NBEAL1: variants seen among roughly 807,000 people sequenced by gnomAD.
NBEAL1 encodes the protein neurobeachin-like protein 1.
NBEAL1 carries 273 observed loss-of-function variants against 351.3 expected under a neutral mutation model. That is an observed-to-expected ratio of 0.78 (90% CI 0.70 to 0.86). The LOEUF (loss-of-function observed/expected upper bound fraction) is 0.86, where lower values mean the gene tolerates loss of function less well. Among genes scored for constraint, NBEAL1 ranks in the 40% least tolerant of loss-of-function variants. The probability of loss-of-function intolerance (pLI) is 0.00; values close to 1 mark genes in which losing one functional copy is unlikely to be tolerated. For synonymous variants in NBEAL1, 1,050 were observed against 1,086.4 expected, an observed-to-expected ratio of 0.97 and a Z score of 0.66; for missense variants, 2,961 against 3,201.3, an observed-to-expected ratio of 0.92 and a Z score of 1.81.
rs1402766100 is a variant in NBEAL1 at position 203,224,558 on chromosome 2, T to G, written c.*7204T>G. On this transcript the variant is annotated 3_prime_UTR_variant, in exon 56 of 56. Transcript: ENST00000683969. ...TTATAGAGAGTGACAGTGACTTGAA[T>G]GCATGTATATGCACATAGTCAATTC... Among the ~76,000 whole-genome samples, 1 of 152,178 alleles carries G rather than the reference T, an allele frequency of 6.6e-6. No individual in the cohort carries two copies. Among genetic ancestry groups the G allele is most frequent in the African/African-American group, 2.4e-5 (1 of 41,466 alleles).
At chr2:203,040,721 TC>T (rs1252709655) in intron 2 of NBEAL1, 3 of 601,572 alleles carry the variant, frequency 5.0e-6, no homozygotes, top group African/African-American at 1.8e-5. Context: ...ATCTCATAGT[TC>T]TTGCTCCCTT....
chr2:203,014,630 A>G (rs2060645818), upstream of NBEAL1: 1 of 152,220 alleles, frequency 6.6e-6, no homozygotes, highest in Non-Finnish European at 1.5e-5. Flanking sequence ...TGTCCAGCTG[A>G]GGGAAGGCTC....
intron 7 of NBEAL1, among the ~76,000 whole-genome samples, chr2:203,069,834 A>T (rs974051024): frequency 1.4e-4 from 22 of 152,040 alleles, no homozygotes; most frequent in Admixed American, 1.0e-3. Context: ...ATATAAAAAA[A>T]TTTTTTATGG....
rs545163518 is a variant in NBEAL1, at chr2:203,222,366, A to G, written c.*5012A>G. ...TATTAAAAAATTATGTCTGAGGATTATTATGTTATATCCTAAAAATTTTTC... is the reference window on the plus strand; with the variant it reads ...TATTAAAAAATTATGTCTGAGGATTGTTATGTTATATCCTAAAAATTTTTC... On this transcript the variant is annotated 3_prime_UTR_variant, in exon 56 of 56. Transcript: ENST00000683969. 4.8e-4 allele frequency among the ~76,000 whole-genome samples: 73 copies of G among 152,280 alleles called. No individual in the cohort carries two copies. Among genetic ancestry groups the G allele is most frequent in the African/African-American group, 1.6e-3 (67 of 41,552 alleles).
Position 203,144,647 on chromosome 2 carries a change from AG to A in NBEAL1, c.4897del (p.Val1633Ter). On this transcript the variant is annotated frameshift_variant, in exon 32 of 56. Coordinates refer to ENST00000683969, the MANE Select transcript of NBEAL1 (RefSeq NM_001378026.1). LOFTEE classifies it high-confidence loss of function. ...AGCTAAATACCCTTCTTCAGACCAA[AG>A]TGATTGAAAATCAGGATGAAGCATG... Reference protein sequence around the residue: ...AKLNTLLQTKVIENQDEACYI... With the variant: ...AKLNTLLQTKXIENQDEACYI... 7.4e-6 allele frequency: 12 copies of A among 1,614,104 alleles called. No individual in the cohort carries two copies. The highest frequency in any genetic ancestry group is 1.0e-5 in the Non-Finnish European group (12 of 1,179,988).
intron 6 of NBEAL1, among the ~76,000 whole-genome samples, chr2:203,064,494 G>C (rs1163689829): frequency 1.3e-5 from 2 of 152,128 alleles, no homozygotes; most frequent in Admixed American, 1.3e-4. Context: ...AGAAGTAGTG[G>C]GTATCATGTG....
intron 30 of NBEAL1, 135 bp from the exon 31 acceptor site, chr2:203,138,485 T>C (rs2063279035): frequency 1.9e-6 from 2 of 1,063,366 alleles, no homozygotes; most frequent in Admixed American, 6.0e-5. Context: ...AGGATGATTC[T>C]TTTGGCTTTT....
chr2:203,057,094 T>G (rs2061416024), intron 5 of NBEAL1, among the ~76,000 whole-genome samples: 1 of 152,232 alleles, frequency 6.6e-6, no homozygotes. Flanking sequence ...ATGTATTATT[T>G]ATTTATCACA....
At chr2:203,120,133 C>T (rs1296967824) in intron 18 of NBEAL1, among the ~76,000 whole-genome samples, 2 of 152,036 alleles carry the variant, frequency 1.3e-5, no homozygotes, top group African/African-American at 2.4e-5. Flanking sequence ...ATTTATTTTT[C>T]TTTTTAGCTA....
intron 35 of NBEAL1, among the ~76,000 whole-genome samples, chr2:203,154,105 G>A (rs943371920): frequency 2.0e-5 from 3 of 151,856 alleles, no homozygotes; most frequent in Non-Finnish European, 2.9e-5. Context: ...GCGTAGTGAC[G>A]TGCACCTGTA....
intron 6 of NBEAL1, among the ~76,000 whole-genome samples, chr2:203,066,175 G>A (rs2061582230): frequency 6.6e-6 from 1 of 152,094 alleles, no homozygotes; most frequent in Non-Finnish European, 1.5e-5. Context: ...TTTTTATTAT[G>A]TTAATCAGGT....
Position 203,183,408 on chromosome 2 carries a change from T to C in NBEAL1, c.6705+20T>C, listed in dbSNP as rs1264756408. On this transcript the variant is annotated intron_variant, in intron 44 of 55. Transcript: ENST00000683969. The stretch of plus-strand genomic sequence containing the variant: ...GCTTTGGTAAGAGTTTTGCATTTAG[T>C]TATTTGACAGAATAATAAGATAAAA... 2 of 1,313,336 alleles carry C rather than the reference T, an allele frequency of 1.5e-6. No individual in the cohort carries two copies. Among genetic ancestry groups the C allele is most frequent in the East Asian group, 2.3e-5 (1 of 42,568 alleles). The allele number at this position is 1,313,336 out of a possible 1,614,324, so 81.4% of individuals were successfully genotyped here.
At chr2:203,192,029 T>G (rs911980036) in intron 46 of NBEAL1, among the ~76,000 whole-genome samples, 2 of 152,370 alleles carry the variant, frequency 1.3e-5, no homozygotes, top group Non-Finnish European at 1.5e-5. Flanking sequence ...CAGTAGTGTA[T>G]CTAAGCTCTA....
chr2:203,030,674 G>A lies in NBEAL1; in HGVS notation c.52-11091G>A, dbSNP rs534088718. Among the ~76,000 whole-genome samples, 4 of 152,266 alleles carry A rather than the reference G, an allele frequency of 2.6e-5. No individual in the cohort carries two copies. In the East Asian group the frequency reaches 7.7e-4, roughly 29 times the overall value. ...AGTGCATGAGTGAGAACCAACAGAA[G>A]TAGACAGTAAACATGGATCTAGAAA... is the stretch of plus-strand genomic sequence containing the variant. On this transcript the variant is annotated intron_variant, in intron 2 of 55. Coordinates refer to ENST00000683969, the MANE Select transcript of NBEAL1 (RefSeq NM_001378026.1).
intron 7 of NBEAL1, 123 bp from the exon 8 acceptor site, chr2:203,077,629 C>A: frequency 3.8e-6 from 2 of 526,882 alleles, no homozygotes; most frequent in Non-Finnish European, 6.1e-6. Context: ...TCAACCTTGG[C>A]TTTTAACACA....
chr2:203,136,596 T>C lies in NBEAL1; in HGVS notation c.4390-3T>C, dbSNP rs1458861013. The C allele has an allele frequency of 1.9e-6, 3 of 1,597,312 alleles. No homozygotes were observed. The highest frequency in any genetic ancestry group is 2.2e-5 in the South Asian group (2 of 89,296). ...ATTTAAAATTACTTTATATTTTCCA[T>C]AGAGATGTGAGGAGGAGCTTCTTCA... is the stretch of plus-strand genomic sequence containing the variant. On this transcript the variant is annotated splice_polypyrimidine_tract_variant and splice_region_variant and intron_variant, in intron 28 of 55. Coordinates refer to ENST00000683969, the MANE Select transcript of NBEAL1 (RefSeq NM_001378026.1).
intron 7 of NBEAL1, among the ~76,000 whole-genome samples, chr2:203,070,398 C>A (rs2106131792): frequency 8.4e-6 from 1 of 118,438 alleles, no homozygotes. Context: ...GGGTATTGCT[C>A]TGTTGTCCAG....
At chr2:203,211,214 T>A in intron 54 of NBEAL1, 108 bp downstream of exon 54, 2 of 785,020 alleles carry the variant, frequency 2.5e-6, no homozygotes, top group Non-Finnish European at 3.6e-6. Context: ...TTATCATTGA[T>A]TATAAAAGTT....
chr2:203,157,879 G>T (rs770547254), intron 36 of NBEAL1, 54 bp downstream of exon 36: 1 of 1,367,052 alleles, frequency 7.3e-7, no homozygotes, highest in Non-Finnish European at 9.6e-7. Flanking sequence ...TTGCAAAATC[G>T]TGGAAAAGAT....
Sources: allele counts gnomAD v4.1 joint callset (sites outside exome capture counted in the v4.1 genomes callset), GRCh38; gene constraint gnomAD v4.1.1; transcripts MANE v1.5; gene names NCBI Gene and HGNC (gene_info 2026-07-23, HGNC 2026-07-21).